GLIS1: variants seen among roughly 807,000 people sequenced by gnomAD.
GLIS1 encodes zinc finger protein GLIS1.
Under a neutral mutation model 63.8 loss-of-function variants are expected in GLIS1, and 24 were observed. That is an observed-to-expected ratio of 0.38 (90% CI 0.27 to 0.53). The LOEUF (loss-of-function observed/expected upper bound fraction) is 0.53, where lower values mean the gene tolerates loss of function less well. GLIS1 is among the 20% of genes least tolerant of loss of function. GLIS1 has a pLI of 0.85. For synonymous variants in GLIS1, 450 were observed against 482.5 expected, an observed-to-expected ratio of 0.93 and a Z score of 0.88; for missense variants, 1,036 against 1,074.1, an observed-to-expected ratio of 0.96 and a Z score of 0.50.
At chr1:53,546,963 G>C (rs934321315) in intron 4 of GLIS1, among the ~76,000 whole-genome samples, 2 of 152,146 alleles carry the variant, frequency 1.3e-5, no homozygotes, top group Non-Finnish European at 2.9e-5. Flanking sequence ...ATGGAAGGCT[G>C]ACACAGAATG....
At chr1:53,572,035 A>G (rs1441042327) in intron 4 of GLIS1, among the ~76,000 whole-genome samples, 1 of 152,262 alleles carries the variant, frequency 6.6e-6, no homozygotes. Flanking sequence ...AGCGAACACT[A>G]AACAGAAAAT....
chr1:53,664,743 T>TG (rs1257664274), intron 2 of GLIS1, among the ~76,000 whole-genome samples: 3 of 152,084 alleles, frequency 2.0e-5, no homozygotes, highest in Non-Finnish European at 4.4e-5. Flanking sequence ...AGCTGGGGCC[T>TG]GGGGGTGGGG....
At chr1:53,593,682 C>T (rs1162394850) in intron 4 of GLIS1, among the ~76,000 whole-genome samples, 1 of 152,192 alleles carries the variant, frequency 6.6e-6, no homozygotes, top group Non-Finnish European at 1.5e-5. Context: ...GGGAACCTCA[C>T]TGGGATGGGT....
At chr1:53,662,581 G>A (rs557699362) in intron 2 of GLIS1, among the ~76,000 whole-genome samples, 6 of 152,244 alleles carry the variant, frequency 3.9e-5, no homozygotes, top group African/African-American at 4.8e-5. Context: ...CATGTGGGCC[G>A]TCAGCCTCCT....
rs1644468054 is a variant in GLIS1, at chr1:53,526,277, C to T, written c.1483-1390G>A. On this transcript the variant is annotated intron_variant, in intron 5 of 10. Transcript: ENST00000628545. The surrounding 1 kb of genome is among the most constrained non-coding windows in gnomAD (Gnocchi z 4.4). ...GACTAAGGAGAGGCCAGGCCAACCT[C>T]AGACCCAGGGAGAGGTACCCATGGC... Among the ~76,000 whole-genome samples, 1 of 152,188 alleles carries T rather than the reference C, an allele frequency of 6.6e-6. No individual in the cohort carries two copies. Among genetic ancestry groups the T allele is most frequent in the South Asian group, 2.1e-4 (1 of 4,828 alleles).
In GLIS1 at chr1:53,509,130, C is replaced by T. The variant is rs1297955011; in HGVS notation, c.2220G>A (p.Leu740=). ...GCAGGCAGGGCTCACCTGTGGCAGGCAAGGGCGTGCTGAGGCTGTGGTAGC... is the reference window on the plus strand; with the variant it reads ...GCAGGCAGGGCTCACCTGTGGCAGGTAAGGGCGTGCTGAGGCTGTGGTAGC... ...PNGYHSLSTP[L]PATGYEALAE... is the part of the protein sequence containing the mutation. Residue 740 remains leucine (L), a synonymous_variant, in exon 10 of 11, where the codon TTG becomes TTA. Coordinates refer to ENST00000628545, the MANE Select transcript of GLIS1 (RefSeq NM_001367484.1). 1 of 1,580,644 alleles carries T rather than the reference C, an allele frequency of 6.3e-7. No homozygotes were observed. Among genetic ancestry groups the T allele is most frequent in the Admixed American group, 1.7e-5 (1 of 57,306 alleles).
rs568762765 is a variant in GLIS1, at chr1:53,598,360, T to G, written c.437+1741A>C. ...GAGTTCAAGACCAGCCCGGCCAACATGGTGAAACCCCGTCTCTATAAAAAA... is the reference window on the plus strand; with the variant it reads ...GAGTTCAAGACCAGCCCGGCCAACAGGGTGAAACCCCGTCTCTATAAAAAA... On this transcript the variant is annotated intron_variant, in intron 3 of 10. Coordinates refer to ENST00000628545, the MANE Select transcript of GLIS1 (RefSeq NM_001367484.1). This position sits in a 1 kb window ranked among gnomAD's most constrained non-coding sequence, Gnocchi z 4.6. Among the ~76,000 whole-genome samples the G allele has an allele frequency of 6.6e-6, 1 of 152,110 alleles. No individual in the cohort carries two copies. The highest frequency in any genetic ancestry group is 1.5e-5 in the Non-Finnish European group (1 of 68,036).
intron 2 of GLIS1, among the ~76,000 whole-genome samples, chr1:53,700,887 G>T (rs1646516631): frequency 6.6e-6 from 1 of 152,224 alleles, no homozygotes; most frequent in African/African-American, 2.4e-5. Flanking sequence ...CGACCTTTGT[G>T]TCTGGCTTCT....
chr1:53,516,812 A>C (rs906063968), intron 7 of GLIS1, among the ~76,000 whole-genome samples: 8 of 152,052 alleles, frequency 5.3e-5, no homozygotes, highest in Admixed American at 2.0e-4. Flanking sequence ...CAAAAAAAAA[A>C]ACAAAAAACA....
intron 2 of GLIS1, among the ~76,000 whole-genome samples, chr1:53,677,382 C>T (rs1213303812): frequency 3.3e-5 from 5 of 152,090 alleles, no homozygotes; most frequent in Admixed American, 6.6e-5. Context: ...GGGGATGGCG[C>T]GGGGGCAGGA....
chr1:53,571,336 T>G lies in GLIS1; in HGVS notation c.1320+22772A>C, dbSNP rs184544551. 2.0e-4 allele frequency among the ~76,000 whole-genome samples: 31 copies of G among 152,330 alleles called. 1 individual carries two copies. The highest frequency in any genetic ancestry group is 6.7e-4 in the African/African-American group (28 of 41,590). On this transcript the variant is annotated intron_variant, in intron 4 of 10. Coordinates refer to ENST00000628545, the MANE Select transcript of GLIS1 (RefSeq NM_001367484.1). ...CCACTTTTGAAAACAAGCCGGCATT[T>G]TCATACATTCCCTAAGCCAGCAATT...
intron 2 of GLIS1, among the ~76,000 whole-genome samples, chr1:53,700,263 C>T (rs1351087671): frequency 1.3e-5 from 2 of 152,122 alleles, no homozygotes; most frequent in Admixed American, 1.3e-4. Context: ...GCCCTCACCT[C>T]CCCCTCATCA....
At chr1:53,626,184 C>T (rs181500909) in intron 2 of GLIS1, among the ~76,000 whole-genome samples, 1 of 152,310 alleles carries the variant, frequency 6.6e-6, no homozygotes, top group East Asian at 1.9e-4. Context: ...TTTGGCATGA[C>T]CAGAACCTGG....
intron 7 of GLIS1, among the ~76,000 whole-genome samples, chr1:53,515,855 C>T (rs1266890954): frequency 6.6e-6 from 1 of 150,916 alleles, no homozygotes; most frequent in Non-Finnish European, 1.5e-5. Flanking sequence ...ATGCACCTGA[C>T]CCCTGCATTC....
In GLIS1 at chr1:53,526,429, G is replaced by C. The variant is rs1030656518; in HGVS notation, c.1483-1542C>G. On this transcript the variant is annotated intron_variant, in intron 5 of 10. Transcript: ENST00000628545. The surrounding 1 kb of genome is among the most constrained non-coding windows in gnomAD (Gnocchi z 4.4). ...GAGACAGCAGTGAGAAGCTTGCCGG[G>C]GTTGGCCTGGGAGGGAGAGCGGAGG... 2.0e-5 allele frequency among the ~76,000 whole-genome samples: 3 copies of C among 152,160 alleles called. No homozygotes were observed. The highest frequency in any genetic ancestry group is 7.2e-5 in the African/African-American group (3 of 41,426).
chr1:53,528,786 G>A (rs904668270), intron 5 of GLIS1, among the ~76,000 whole-genome samples: 1 of 152,080 alleles, frequency 6.6e-6, no homozygotes, highest in Non-Finnish European at 1.5e-5. Flanking sequence ...GGGCTGGGGG[G>A]CAGCCACCCA....
At position 53,690,534 on chromosome 1, in the gene GLIS1, C is replaced by A. The variant is rs562132159; in HGVS notation, c.259+47272G>T. On this transcript the variant is annotated intron_variant, in intron 2 of 10. Transcript: ENST00000628545. ...CACCTCTTGGCTTCAACGTCTGCATCTGGCAATGGACATGACAGAACAAGC... is the reference window on the plus strand; with the variant it reads ...CACCTCTTGGCTTCAACGTCTGCATATGGCAATGGACATGACAGAACAAGC... Among the ~76,000 whole-genome samples, 11 of 152,370 alleles carry A rather than the reference C, an allele frequency of 7.2e-5. No homozygotes were observed. In the East Asian group the frequency reaches 2.1e-3, roughly 29 times the overall value.
At chr1:53,605,616 C>G (rs1219928057) in intron 2 of GLIS1, among the ~76,000 whole-genome samples, 1 of 152,232 alleles carries the variant, frequency 6.6e-6, no homozygotes, top group Non-Finnish European at 1.5e-5. Context: ...AAAGTCCTAC[C>G]TCCCCTACGA....
intron 2 of GLIS1, among the ~76,000 whole-genome samples, chr1:53,674,062 C>T (rs796936136): frequency 2.4e-4 from 37 of 151,310 alleles, no homozygotes; most frequent in African/African-American, 8.2e-4. Flanking sequence ...ATCCCAGCTA[C>T]TTGGGAGGCT....
Sources: allele counts gnomAD v4.1 joint callset (sites outside exome capture counted in the v4.1 genomes callset), GRCh38; gene constraint gnomAD v4.1.1; non-coding constraint Gnocchi (gnomAD v3.1); transcripts MANE v1.5; gene names NCBI Gene and HGNC (gene_info 2026-07-23, HGNC 2026-07-21).